Variants in CACNA1I observed in about 807,000 individuals in gnomAD.
CACNA1I encodes voltage-dependent T-type calcium channel subunit alpha-1I.
In CACNA1I, 74 loss-of-function variants were observed where a neutral mutation model predicts 201.6. The ratio of observed to expected loss-of-function variants is 0.37; its 90% CI spans 0.30 to 0.45. The LOEUF is 0.45. Among genes scored for constraint, CACNA1I ranks in the 20% least tolerant of loss-of-function variants. The pLI, the probability that CACNA1I is intolerant of heterozygous loss-of-function variation, is 1.00. For synonymous variants in CACNA1I, 1,431 were observed against 1,345.2 expected (o/e 1.06, Z -1.40); for missense variants, 2,346 against 3,138.1 (o/e 0.75, Z 6.03).
chr22:39,674,414 G>A (rs889341701), intron 29 of CACNA1I, among the ~76,000 whole-genome samples: 1 of 152,188 alleles, frequency 6.6e-6, no homozygotes, highest in Non-Finnish European at 1.5e-5. Flanking sequence ...AGGGAAGGCA[G>A]CCTAGGAAAG....
At chr22:39,679,901 G>T (rs1935644369) in intron 33 of CACNA1I, 33 bp downstream of exon 33, 1 of 1,596,352 alleles carries the variant, frequency 6.3e-7, no homozygotes, top group African/African-American at 1.3e-5. Context: ...GGCCCCTTGT[G>T]GCAGGGGCAG....
At chr22:39,599,776 C>A (rs553470304) in intron 2 of CACNA1I, among the ~76,000 whole-genome samples, 1 of 152,300 alleles carries the variant, frequency 6.6e-6, no homozygotes, top group East Asian at 1.9e-4. Flanking sequence ...GTGAGTTCAC[C>A]GAACAAGCAC....
chr22:39,626,600 GTT>G (rs35816156), intron 4 of CACNA1I, among the ~76,000 whole-genome samples: 1 of 148,770 alleles, frequency 6.7e-6, no homozygotes, highest in South Asian at 2.1e-4. Flanking sequence ...AGTGGCTAAA[GTT>G]TTTTTTTTTC....
rs945362297 is a variant in CACNA1I at position 39,662,809 on chromosome 22, G to T, written c.3406G>T (p.Val1136Phe). ...LCFRVRKMID[V>F]YKPDWCEVRE... ...CTTCCGCGTCCGCAAGATGATCGAC[G>T]TCTATAAGCCCGACTGGTGCGAGGT... is the stretch of plus-strand genomic sequence containing the variant. The change falls in exon 18 of 37, where the codon GTC becomes TTC. Residue 1136 changes from valine to phenylalanine, a missense_variant. Val to Phe is a conservative substitution (Grantham distance 50). Around this residue, in one of 13 missense-constraint regions of CACNA1I, gnomAD observed 158 missense variants for 231.6 expected, o/e 0.68. Transcript: ENST00000402142. The T allele has an allele frequency of 6.2e-7, 1 of 1,600,530 alleles. No individual in the cohort carries two copies. Among genetic ancestry groups the T allele is most frequent in the Admixed American group, 1.7e-5 (1 of 58,852 alleles).
chr22:39,674,180 C>A, intron 29 of CACNA1I, 147 bp downstream of exon 29: 1 of 744,454 alleles, frequency 1.3e-6, no homozygotes. Flanking sequence ...GAGCCAGGGG[C>A]TGAGAGGCAG....
intron 4 of CACNA1I, among the ~76,000 whole-genome samples, chr22:39,624,737 C>T (rs1933851457): frequency 6.6e-6 from 1 of 152,178 alleles, no homozygotes; most frequent in Admixed American, 6.5e-5. Flanking sequence ...CCAGAGCCAC[C>T]AGGGGATTAG....
chr22:39,615,738 A>G (rs1933512974), intron 3 of CACNA1I, among the ~76,000 whole-genome samples: 1 of 152,208 alleles, frequency 6.6e-6, no homozygotes, highest in African/African-American at 2.4e-5. Context: ...CACTGAATGC[A>G]TTTATATGCT....
intron 10 of CACNA1I, chr22:39,656,526 C>T (rs1205391404): frequency 7.8e-6 from 4 of 510,702 alleles, no homozygotes; most frequent in Admixed American, 1.9e-5. Context: ...TGGGCTTTGG[C>T]CCCAGAGCAC....
rs752354438 is a variant in CACNA1I at position 39,665,493 on chromosome 22, G to A, written c.3852-5G>A. 6.8e-6 allele frequency: 11 copies of A among 1,613,426 alleles called. No homozygotes were observed. The South Asian group carries it at 7.7e-5, about 11-fold the overall frequency. ...TATGTGTGCCTGGCCTCTCCCTGCC[G>A]TCAGTGTCATCAGCCGGGCGCCGGG... On this transcript the variant is annotated splice_polypyrimidine_tract_variant and splice_region_variant and intron_variant, in intron 21 of 36. Coordinates refer to ENST00000402142, the MANE Select transcript of CACNA1I (RefSeq NM_021096.4). This position sits in a 1 kb window ranked among gnomAD's most constrained non-coding sequence, Gnocchi z 5.5.
At chr22:39,594,417 G>A (rs999847294) in intron 1 of CACNA1I, among the ~76,000 whole-genome samples, 8 of 152,144 alleles carry the variant, frequency 5.3e-5, no homozygotes, top group Admixed American at 2.0e-4. Flanking sequence ...TAGAATGTTC[G>A]AACTTCAAAA....
chr22:39,627,566 C>T (rs1250112379), intron 4 of CACNA1I, among the ~76,000 whole-genome samples: 2 of 152,260 alleles, frequency 1.3e-5, no homozygotes, highest in African/African-American at 4.8e-5. Flanking sequence ...TCAGGCCAGC[C>T]CTGCTGAAGA....
rs565416020 is a variant in CACNA1I at position 39,620,739 on chromosome 22, GTTGTTTGT to G, written c.580+1351_580+1358del. ...GCCTTCCTGGTTTTTTTTTGTTGTT[GTTGTTTGT>G]TTGTTTGTTTGTTTGTTTTTTTTGA... On this transcript the variant is annotated intron_variant, in intron 4 of 36. Transcript: ENST00000402142. Among the ~76,000 whole-genome samples the G allele has an allele frequency of 7.2e-5, 10 of 137,990 alleles. No individual in the cohort carries two copies. In the South Asian group the frequency reaches 7.9e-4, roughly 11 times the overall value. The allele number at this position is 137,990 out of a possible 152,430, so 90.5% of individuals were successfully genotyped here.
In CACNA1I at chr22:39,679,194, C is replaced by T; in HGVS notation, c.5143C>T (p.Leu1715Phe). ...GCCGCTGTACTTCGTGAGCTTCGTG[C>T]TCACCGCGCAGTTCGTGCTCATCAA... is the stretch of plus-strand genomic sequence containing the variant. Reference protein sequence around the residue: ...VSPLYFVSFVLTAQFVLINVV... With the variant: ...VSPLYFVSFVFTAQFVLINVV... The change falls in exon 32 of 37, where the codon CTC becomes TTC. Residue 1715 changes from leucine to phenylalanine, a missense_variant. Leu to Phe is a conservative substitution (Grantham distance 22). Around this residue, in one of 13 missense-constraint regions of CACNA1I, gnomAD observed 64 missense variants for 131.8 expected, o/e 0.49. Coordinates refer to ENST00000402142, the MANE Select transcript of CACNA1I (RefSeq NM_021096.4). 6.3e-7 allele frequency: 1 copy of T among 1,592,040 alleles called. No homozygotes were observed. Among genetic ancestry groups the T allele is most frequent in the Non-Finnish European group, 8.5e-7 (1 of 1,170,330 alleles).
intron 1 of CACNA1I, among the ~76,000 whole-genome samples, chr22:39,572,824 T>G (rs536681634): frequency 1.5e-3 from 227 of 152,112 alleles, no homozygotes; most frequent in Non-Finnish European, 2.5e-3. Context: ...TGGCGCGATC[T>G]CGGCTCACTG....
chr22:39,584,955 T>G lies in CACNA1I; in HGVS notation c.237-13196T>G, dbSNP rs564844619. ...CCCAGCACTGGAGCTTGCTACTTACTGTGTTGATAACAAATAATATATGTT... is the reference window on the plus strand; with the variant it reads ...CCCAGCACTGGAGCTTGCTACTTACGGTGTTGATAACAAATAATATATGTT... On this transcript the variant is annotated intron_variant, in intron 1 of 36. Transcript: ENST00000402142. Among the ~76,000 whole-genome samples the G allele has an allele frequency of 2.6e-5, 4 of 152,384 alleles. No individual in the cohort carries two copies. The South Asian group carries it at 8.3e-4, about 32-fold the overall frequency.
In CACNA1I at chr22:39,665,325, G is replaced by A. The variant is rs1027561997; in HGVS notation, c.3852-173G>A. Among the ~76,000 whole-genome samples the A allele has an allele frequency of 9.9e-5, 15 of 152,072 alleles. No homozygotes were observed. The highest frequency in any genetic ancestry group is 3.6e-4 in the African/African-American group (15 of 41,390). On this transcript the variant is annotated intron_variant, in intron 21 of 36. Coordinates refer to ENST00000402142, the MANE Select transcript of CACNA1I (RefSeq NM_021096.4). This position sits in a 1 kb window ranked among gnomAD's most constrained non-coding sequence, Gnocchi z 5.5. ...GCTCTGCCCGTGTCTGGGCTGCCTG[G>A]CCACTTTCTCTGCATTCCTGGAGAC...
At chr22:39,627,308 G>A (rs1207926882) in intron 4 of CACNA1I, among the ~76,000 whole-genome samples, 11 of 152,234 alleles carry the variant, frequency 7.2e-5, no homozygotes, top group Non-Finnish European at 1.5e-5. Flanking sequence ...AGGTCTCGTG[G>A]TGCTGATCCC....
intron 1 of CACNA1I, among the ~76,000 whole-genome samples, chr22:39,571,451 A>C (rs1353614915): frequency 2.6e-5 from 4 of 152,132 alleles, no homozygotes; most frequent in African/African-American, 9.7e-5. Context: ...GCCTCTTCCC[A>C]GGCCTCCTGC....
Position 39,658,945 on chromosome 22 carries a change from T to C in CACNA1I, c.2159T>C (p.Val720Ala). Residue 720 changes from valine to alanine, a missense_variant, in exon 12 of 37, where the codon GTG (valine) becomes GCG (alanine). By Grantham distance (64) the Val-to-Ala change is moderately conservative (BLOSUM62 0). This residue lies in a region of CACNA1I where 155 missense variants were observed against 300.8 expected (regional missense o/e 0.52). Coordinates refer to ENST00000402142, the MANE Select transcript of CACNA1I (RefSeq NM_021096.4). Reference sequence around the variant, plus strand: ...CGGGACCGCAGCATCTGGGAGATTGTGGGGCAGGCGGACGGTGGGCTGTCG... The same window carrying C: ...CGGGACCGCAGCATCTGGGAGATTGCGGGGCAGGCGGACGGTGGGCTGTCG... Reference protein sequence around the residue: ...IIVIISIWEIVGQADGGLSVL... With the variant: ...IIVIISIWEIAGQADGGLSVL... 1 of 1,599,390 alleles carries C rather than the reference T, an allele frequency of 6.3e-7. No individual in the cohort carries two copies.
Sources: allele counts gnomAD v4.1 joint callset (sites outside exome capture counted in the v4.1 genomes callset), GRCh38; gene constraint gnomAD v4.1.1; regional missense constraint gnomAD v4.1.1; non-coding constraint Gnocchi (gnomAD v3.1); transcripts MANE v1.5; gene names NCBI Gene and HGNC (gene_info 2026-07-23, HGNC 2026-07-21).